The following HTR1F variants were observed in gnomAD, a reference collection of about 807,000 sequenced individuals.
The protein encoded by HTR1F is 5-hydroxytryptamine receptor 1F.
A neutral mutation model predicts 24.0 loss-of-function variants in HTR1F; 17 were observed. That is an observed-to-expected ratio of 0.71 (90% CI 0.48 to 1.06). The LOEUF (loss-of-function observed/expected upper bound fraction) is 1.06. Ranked by LOEUF, HTR1F falls within the 50% of genes least tolerant of loss-of-function variation. The pLI, the probability that HTR1F is intolerant of heterozygous loss-of-function variation, is 0.00. For missense variants in HTR1F, 391 were observed against 427.8 expected (o/e 0.91, Z 0.76); for synonymous variants, 186 against 156.8 (o/e 1.19, Z -1.39).
chr3:87,884,656 T>C (rs935637382), intron 2 of HTR1F, among the ~76,000 whole-genome samples: 5 of 151,028 alleles, frequency 3.3e-5, no homozygotes, highest in Non-Finnish European at 5.9e-5. Context: ...TGGAGGAAGA[T>C]CTACCAAGCA....
intron 2 of HTR1F, among the ~76,000 whole-genome samples, chr3:87,983,055 G>A (rs1705586348): frequency 6.6e-6 from 1 of 152,136 alleles, no homozygotes; most frequent in Admixed American, 6.5e-5. Flanking sequence ...AGTCATTGGA[G>A]CCAACAGACA....
chr3:87,983,585 C>A (rs1291892641), intron 2 of HTR1F, among the ~76,000 whole-genome samples: 3 of 152,154 alleles, frequency 2.0e-5, no homozygotes, highest in African/African-American at 7.2e-5. Context: ...TCAATGCTGG[C>A]CTATTTTCTC....
intron 2 of HTR1F, among the ~76,000 whole-genome samples, chr3:87,841,620 C>T (rs1445754871): frequency 6.6e-6 from 1 of 151,730 alleles, no homozygotes; most frequent in Admixed American, 6.6e-5. Flanking sequence ...TAACATAGGG[C>T]TGGGTGCGGT....
chr3:87,854,104 TTTC>T (rs1414295746), intron 2 of HTR1F, among the ~76,000 whole-genome samples: 8 of 151,982 alleles, frequency 5.3e-5, no homozygotes, highest in South Asian at 4.1e-4. Context: ...ACTTTGTTCG[TTTC>T]TTCTTATGTT....
chr3:87,838,675 C>T (rs1005252671), intron 2 of HTR1F, among the ~76,000 whole-genome samples: 12 of 151,818 alleles, frequency 7.9e-5, no homozygotes, highest in African/African-American at 1.9e-4. Flanking sequence ...AAATGAAAAC[C>T]GATTGAACTG....
At chr3:87,956,282 A>T (rs1704941494) in intron 2 of HTR1F, among the ~76,000 whole-genome samples, 1 of 151,278 alleles carries the variant, frequency 6.6e-6, no homozygotes, top group African/African-American at 2.4e-5. Flanking sequence ...ACTTTCCTTC[A>T]CTCCAGTGGA....
intron 2 of HTR1F, among the ~76,000 whole-genome samples, chr3:87,913,668 A>G (rs1050682883): frequency 1.3e-5 from 2 of 152,188 alleles, no homozygotes; most frequent in Non-Finnish European, 2.9e-5. Flanking sequence ...TAACAAAAAA[A>G]ATGGAATCAA....
intron 2 of HTR1F, among the ~76,000 whole-genome samples, chr3:87,969,397 C>T (rs1197896051): frequency 1.3e-5 from 2 of 152,216 alleles, no homozygotes; most frequent in African/African-American, 4.8e-5. Flanking sequence ...CATGGGAACC[C>T]ACCTCTTGCA....
intron 2 of HTR1F, among the ~76,000 whole-genome samples, chr3:87,912,016 T>C (rs1703788847): frequency 6.6e-6 from 1 of 152,076 alleles, no homozygotes; most frequent in African/African-American, 2.4e-5. Flanking sequence ...ATGACAAGAA[T>C]GTCCTCTATC....
Position 87,843,774 on chromosome 3 carries a change from G to A in HTR1F, c.-43+21650G>A, listed in dbSNP as rs192690628. On this transcript the variant is annotated intron_variant, in intron 2 of 2. Transcript: ENST00000319595. ...TTCCCACCTATGAGTGAGAATATGCGGTGTTTGGTTTTCTGTTCTTGCGAT... is the reference window on the plus strand; with the variant it reads ...TTCCCACCTATGAGTGAGAATATGCAGTGTTTGGTTTTCTGTTCTTGCGAT... Among the ~76,000 whole-genome samples, 551 of 150,254 alleles carry A rather than the reference G, an allele frequency of 3.7e-3. 20 individuals carry two copies. The East Asian group carries it at 0.081, about 22-fold the overall frequency.
intron 2 of HTR1F, among the ~76,000 whole-genome samples, chr3:87,896,958 G>A (rs1446579011): frequency 6.6e-6 from 1 of 152,042 alleles, no homozygotes; most frequent in African/African-American, 2.4e-5. Flanking sequence ...CGCTGTTGGT[G>A]GGAATGTAGC....
chr3:87,958,561 C>T (rs1704995146), intron 2 of HTR1F, among the ~76,000 whole-genome samples: 1 of 151,584 alleles, frequency 6.6e-6, no homozygotes, highest in South Asian at 2.1e-4. Context: ...ACTCAGGAAG[C>T]TAACCTAGTC....
At chr3:87,796,000 T>C (rs1703898433) in intron 1 of HTR1F, among the ~76,000 whole-genome samples, 1 of 152,184 alleles carries the variant, frequency 6.6e-6, no homozygotes, top group Admixed American at 6.5e-5. Flanking sequence ...TTCTTCTATG[T>C]ACAGTGGGAA....
chr3:87,882,762 A>G (rs1449333416), intron 2 of HTR1F, among the ~76,000 whole-genome samples: 1 of 151,592 alleles, frequency 6.6e-6, no homozygotes, highest in African/African-American at 2.4e-5. Flanking sequence ...GCTAGATGAC[A>G]AGTTAGTGGG....
intron 2 of HTR1F, among the ~76,000 whole-genome samples, chr3:87,980,073 C>T (rs1705508883): frequency 6.6e-6 from 1 of 152,232 alleles, no homozygotes; most frequent in Admixed American, 6.5e-5. Flanking sequence ...GGGTGTGTTT[C>T]AGCCCTGTTT....
intron 2 of HTR1F, among the ~76,000 whole-genome samples, chr3:87,923,496 A>C (rs1415561759): frequency 6.6e-6 from 1 of 151,840 alleles, no homozygotes; most frequent in Non-Finnish European, 1.5e-5. Context: ...TTTTGTAGCT[A>C]TTATAAATGA....
intron 2 of HTR1F, among the ~76,000 whole-genome samples, chr3:87,980,804 T>G (rs1405722503): frequency 6.6e-6 from 1 of 152,184 alleles, no homozygotes; most frequent in Non-Finnish European, 1.5e-5. Flanking sequence ...CATCACTGCT[T>G]CAAGCACACA....
At chr3:87,877,414 A>T (rs1315087674) in intron 2 of HTR1F, among the ~76,000 whole-genome samples, 1 of 152,138 alleles carries the variant, frequency 6.6e-6, no homozygotes, top group Non-Finnish European at 1.5e-5. Context: ...TTTTTAGTGA[A>T]TTGAAAGAAA....
At chr3:87,916,291 C>CA (rs139468022) in intron 2 of HTR1F, among the ~76,000 whole-genome samples, 61,733 of 114,646 alleles carry the variant, frequency 0.54, 14,649 homozygotes, top group African/African-American at 0.67. Context: ...AACAAAAATA[C>CA]AGTTAAAAAG....
Sources: gnomAD v4.1 joint callset for allele counts (sites outside exome capture counted in the v4.1 genomes callset) on GRCh38, gnomAD v4.1.1 for gene constraint, MANE v1.5 for transcripts, NCBI Gene and HGNC (gene_info 2026-07-23, HGNC 2026-07-21) for gene names.